DENND1A: variants seen among roughly 807,000 people sequenced by gnomAD.
DENND1A encodes DENN domain-containing protein 1A.
A neutral mutation model predicts 113.7 loss-of-function variants in DENND1A; 51 were observed. That is an observed-to-expected ratio of 0.45 (90% CI 0.36 to 0.57). The LOEUF (loss-of-function observed/expected upper bound fraction) is 0.57, where lower values mean the gene tolerates loss of function less well. Ranked by LOEUF, DENND1A falls within the 20% of genes least tolerant of loss-of-function variation. DENND1A has a pLI of 0.00. For synonymous variants in DENND1A, 565 were observed against 570.8 expected (o/e 0.99, Z 0.14); for missense variants, 1,258 against 1,395.9 (o/e 0.90, Z 1.57).
At chr9:123,566,410 A>G (rs2058054583) in intron 12 of DENND1A, among the ~76,000 whole-genome samples, 1 of 152,110 alleles carries the variant, frequency 6.6e-6, no homozygotes, top group Admixed American at 6.5e-5. Flanking sequence ...GGAGCTGGCT[A>G]TGACCCTACG....
At chr9:123,440,558 CAACGAAGAG>C (rs1449214977) in intron 18 of DENND1A, 67 bp from the exon 19 acceptor site, 10 of 1,484,576 alleles carry the variant, frequency 6.7e-6, no homozygotes, top group Non-Finnish European at 8.9e-6. Context: ...TCTCACCCCA[CAACGAAGAG>C]GCCTGCCAGG....
intron 13 of DENND1A, among the ~76,000 whole-genome samples, chr9:123,529,510 C>G (rs577885986): frequency 6.6e-6 from 1 of 151,768 alleles, no homozygotes; most frequent in African/African-American, 2.4e-5. Flanking sequence ...ATTCTGCTAC[C>G]GAGAAGAGAC....
At chr9:123,627,438 G>A (rs2061276995) in intron 10 of DENND1A, among the ~76,000 whole-genome samples, 2 of 152,174 alleles carry the variant, frequency 1.3e-5, no homozygotes, top group African/African-American at 4.8e-5. Context: ...GGAAACATCT[G>A]CTCTACTGAA....
At chr9:123,755,939 T>C (rs1239371724) in intron 5 of DENND1A, among the ~76,000 whole-genome samples, 2 of 152,190 alleles carry the variant, frequency 1.3e-5, no homozygotes, top group Admixed American at 6.5e-5. Context: ...AGATGGAGTT[T>C]CGCTCTTGTC....
chr9:123,423,559 GGTCATTTCTAAT>G (rs2045484366), intron 19 of DENND1A, among the ~76,000 whole-genome samples: 1 of 152,132 alleles, frequency 6.6e-6, no homozygotes, highest in South Asian at 2.1e-4. Flanking sequence ...TCCCTTCGGC[GGTCATTTCTAAT>G]GCTGGTGCAC....
At position 123,383,750 on chromosome 9, in the gene DENND1A, C is replaced by G. The variant is rs754385424; in HGVS notation, c.1924G>C (p.Glu642Gln). The G allele has an allele frequency of 3.1e-6, 5 of 1,614,026 alleles. No homozygotes were observed. Among genetic ancestry groups the G allele is most frequent in the Admixed American group, 3.3e-5 (2 of 60,000 alleles). ...TGGCCCAGTGGCTGCAGTGCGGCCT[C>G]CATGTCCAGGTTGCTGAAGACGTCT... ...LEDVFSNLDM[E>Q]AALQPLGQAK... Residue 642 changes from glutamate to glutamine, a missense_variant, in exon 23 of 24, where the codon GAG becomes CAG. Transcript: ENST00000394215.
intron 1 of DENND1A, among the ~76,000 whole-genome samples, chr9:123,883,696 A>G (rs1249521205): frequency 5.9e-5 from 9 of 152,214 alleles, no homozygotes; most frequent in African/African-American, 2.2e-4. Context: ...ATAAATTTCA[A>G]AGAAAAAAGG....
intron 13 of DENND1A, among the ~76,000 whole-genome samples, chr9:123,517,867 T>C (rs539014836): frequency 2.6e-5 from 4 of 152,292 alleles, no homozygotes; most frequent in Admixed American, 1.3e-4. Context: ...TAAAGAGAAG[T>C]AGCAAAATTG....
At chr9:123,618,095 A>G (rs766564314) in intron 10 of DENND1A, among the ~76,000 whole-genome samples, 13 of 152,172 alleles carry the variant, frequency 8.5e-5, no homozygotes, top group Non-Finnish European at 1.8e-4. Flanking sequence ...ACTTGCTGAG[A>G]GGTCACTCAG....
intron 13 of DENND1A, among the ~76,000 whole-genome samples, chr9:123,536,553 A>C (rs1285447516): frequency 6.6e-6 from 1 of 151,946 alleles, no homozygotes; most frequent in Admixed American, 6.6e-5. Context: ...CTACAAGTGG[A>C]AGTGTTTTGG....
chr9:123,530,017 C>T (rs150204338), intron 13 of DENND1A, among the ~76,000 whole-genome samples: 147 of 152,082 alleles, frequency 9.7e-4, no homozygotes, highest in African/African-American at 3.5e-3. Context: ...CTAAAGAGTT[C>T]GCCAGAACAA....
intron 1 of DENND1A, among the ~76,000 whole-genome samples, chr9:123,880,077 A>G (rs1848102134): frequency 6.6e-6 from 1 of 152,192 alleles, no homozygotes; most frequent in Non-Finnish European, 1.5e-5. Flanking sequence ...CAGTGGCACA[A>G]TCTCAGCTCA....
intron 2 of DENND1A, among the ~76,000 whole-genome samples, chr9:123,801,773 C>T (rs567962921): frequency 6.6e-6 from 1 of 152,188 alleles, no homozygotes; most frequent in Admixed American, 6.5e-5. Flanking sequence ...GACATTAAGA[C>T]CAACCCAGCC....
At chr9:123,457,308 G>A (rs931889591) in intron 15 of DENND1A, 40 bp downstream of exon 15, 64 of 1,494,780 alleles carry the variant, frequency 4.3e-5, no homozygotes, top group Non-Finnish European at 6.0e-5. Context: ...CTAAATGATA[G>A]CAGCCTGCAG....
chr9:123,538,585 G>A (rs2055980447), intron 13 of DENND1A, among the ~76,000 whole-genome samples: 1 of 151,810 alleles, frequency 6.6e-6, no homozygotes, highest in African/African-American at 2.4e-5. Context: ...GTACTCAGGT[G>A]TCAACCTGAA....
At chr9:123,758,544 C>T (rs2070769196) in intron 4 of DENND1A, among the ~76,000 whole-genome samples, 1 of 152,130 alleles carries the variant, frequency 6.6e-6, no homozygotes, top group Non-Finnish European at 1.5e-5. Context: ...TGTTACTTTC[C>T]TAAATTCCTA....
At chr9:123,779,686 G>A (rs1342803041) in intron 3 of DENND1A, among the ~76,000 whole-genome samples, 1 of 152,044 alleles carries the variant, frequency 6.6e-6, no homozygotes. Flanking sequence ...TTTTGGTAGA[G>A]GTGGGGTTTT....
intron 18 of DENND1A, among the ~76,000 whole-genome samples, chr9:123,444,515 A>G (rs955069459): frequency 6.6e-6 from 1 of 152,170 alleles, no homozygotes; most frequent in Non-Finnish European, 1.5e-5. Context: ...TTAGCCAGGC[A>G]TGGTGGCGGA....
intron 5 of DENND1A, among the ~76,000 whole-genome samples, chr9:123,687,716 C>T (rs569140163): frequency 3.9e-5 from 6 of 152,120 alleles, no homozygotes; most frequent in Non-Finnish European, 5.9e-5. Flanking sequence ...AAAATGAAAC[C>T]GAGGGGTTTT....
Sources: allele counts gnomAD v4.1 joint callset (sites outside exome capture counted in the v4.1 genomes callset), GRCh38; gene constraint gnomAD v4.1.1; transcripts MANE v1.5; gene names NCBI Gene and HGNC (gene_info 2026-07-23, HGNC 2026-07-21).